TSHR: variants seen among roughly 807,000 people sequenced by gnomAD.
TSHR encodes thyroid stimulating hormone receptor.
Under a neutral mutation model 64.1 loss-of-function variants are expected in TSHR, and 51 were observed. That is an observed-to-expected ratio of 0.80 (90% CI 0.64 to 1.01). TSHR has a LOEUF of 1.01. Among genes scored for constraint, TSHR ranks in the 50% least tolerant of loss-of-function variants. The pLI is 0.00. For missense variants in TSHR, 877 were observed against 942.8 expected (o/e 0.93, Z 0.91); for synonymous variants, 361 against 361.9 (o/e 1.00, Z 0.03).
chr14:81,049,500 G>A (rs1004846183), intron 1 of TSHR: 5 of 152,174 alleles, frequency 3.3e-5, no homozygotes, highest in Admixed American at 3.3e-4. Context: ...AAATAACAAT[G>A]TTTGAAAACC....
rs140789876 is a variant in TSHR, at chr14:81,145,550, G to A, written c.*1197G>A. On this transcript the variant is annotated 3_prime_UTR_variant, in exon 10 of 10. Coordinates refer to ENST00000298171, the MANE Select transcript of TSHR (RefSeq NM_000369.5). ...TTCGTGTTTATATAAAAGAGTAAAC[G>A]ATGGTTGCAAATTTTGGCTATTTAG... 8 of 232,954 alleles carry A rather than the reference G, an allele frequency of 3.4e-5. No homozygotes were observed. Among genetic ancestry groups the A allele is most frequent in the South Asian group, 1.8e-4 (1 of 5,512 alleles). 14.4% of individuals were successfully genotyped at this position (232,954 alleles called of 1,614,324 possible). A position where few individuals can be genotyped will look rare whatever the true frequency, so the allele number is the denominator to read the frequency against.
chr14:81,029,122 C>A (rs922908916), intron 1 of TSHR, among the ~76,000 whole-genome samples: 16 of 151,848 alleles, frequency 1.1e-4, no homozygotes, highest in African/African-American at 3.9e-4. Flanking sequence ...ATTCTGTAAC[C>A]TTTAAAAGAA....
chr14:81,143,670 G>T lies in TSHR; in HGVS notation c.1612G>T (p.Ala538Ser), dbSNP rs151264748. 31 of 1,614,150 alleles carry T rather than the reference G, an allele frequency of 1.9e-5. No homozygotes were observed. The African/African-American group carries it at 3.6e-4, about 19-fold the overall frequency. Residue 538 changes from alanine to serine, a missense_variant, in exon 10 of 10, where the codon GCA becomes TCA. Coordinates refer to ENST00000298171, the MANE Select transcript of TSHR (RefSeq NM_000369.5). ...RLDRKIRLRH[A>S]CAIMVGGWVC... is the part of the protein sequence containing the mutation. ...GGACCGGAAGATCCGCCTCAGGCAC[G>T]CATGTGCCATCATGGTTGGGGGCTG...
At chr14:81,140,033 C>T (rs191093428) in intron 9 of TSHR, among the ~76,000 whole-genome samples, 166 bp downstream of exon 9, 3 of 152,240 alleles carry the variant, frequency 2.0e-5, no homozygotes, top group African/African-American at 7.2e-5. Flanking sequence ...CCTGCGGACC[C>T]AAAGTGGGTG....
chr14:80,956,139 A>C (rs1349128841), intron 1 of TSHR, among the ~76,000 whole-genome samples: 1 of 152,264 alleles, frequency 6.6e-6, no homozygotes, highest in East Asian at 1.9e-4. Context: ...GCTATTCAGC[A>C]CTTTGCCTAA....
intron 8 of TSHR, among the ~76,000 whole-genome samples, chr14:81,133,620 CT>C (rs1891337942): frequency 6.6e-6 from 1 of 152,204 alleles, no homozygotes; most frequent in East Asian, 1.9e-4. Context: ...CATTCTGGCA[CT>C]TTAGGGTCTA....
At chr14:80,967,491 G>A (rs924038226) in intron 1 of TSHR, among the ~76,000 whole-genome samples, 2 of 151,898 alleles carry the variant, frequency 1.3e-5, no homozygotes, top group African/African-American at 4.8e-5. Context: ...CACCATGTTG[G>A]TCAGGCTGAT....
chr14:81,103,763 C>T lies in TSHR; in HGVS notation c.615-4612C>T, dbSNP rs1449896764. On this transcript the variant is annotated intron_variant, in intron 7 of 9. Coordinates refer to ENST00000298171, the MANE Select transcript of TSHR (RefSeq NM_000369.5). The surrounding 1 kb of genome is among the most constrained non-coding windows in gnomAD (Gnocchi z 4.1). ...TTGTTTGGAATTTCTTTTCCATCCT[C>T]TTTCCACGCAATCTGCGTGGGGATA... 2.0e-6 allele frequency: 2 copies of T among 985,360 alleles called. No individual in the cohort carries two copies. Among genetic ancestry groups the T allele is most frequent in the African/African-American group, 3.5e-5 (2 of 57,252 alleles). The allele number at this position is 985,360 out of a possible 1,614,324, so 61.0% of individuals were successfully genotyped here. A position where few individuals can be genotyped will look rare whatever the true frequency, so the allele number is the denominator to read the frequency against.
chr14:81,061,522 C>T (rs934692603), intron 1 of TSHR, among the ~76,000 whole-genome samples: 3 of 152,052 alleles, frequency 2.0e-5, no homozygotes, highest in Admixed American at 6.6e-5. Context: ...AGGCCATTAT[C>T]CTCCGCAAAC....
Position 81,143,734 on chromosome 14 carries a change from G to A in TSHR, c.1676G>A (p.Gly559Glu), listed in dbSNP as rs979415795. The change falls in exon 10 of 10, where the codon GGA becomes GAA. Residue 559 changes from glycine (G) to glutamate (E), a missense_variant. Coordinates refer to ENST00000298171, the MANE Select transcript of TSHR (RefSeq NM_000369.5). ...CTTCTCGCCCTGCTTCCTTTGGTGG[G>A]AATAAGTAGCTATGCCAAAGTCAGT... ...CFLLALLPLV[G>E]ISSYAKVSIC... 1 of 1,614,124 alleles carries A rather than the reference G, an allele frequency of 6.2e-7. No homozygotes were observed. The highest frequency in any genetic ancestry group is 8.5e-7 in the Non-Finnish European group (1 of 1,180,030).
chr14:81,096,566 G>C, intron 6 of TSHR, 73 bp from the exon 7 acceptor site: 18 of 1,462,450 alleles, frequency 1.2e-5, no homozygotes, highest in Non-Finnish European at 1.7e-5. Flanking sequence ...AAGAAATATA[G>C]TCCAACTCTC....
At chr14:81,128,580 C>T (rs1891109790) in intron 8 of TSHR, among the ~76,000 whole-genome samples, 1 of 152,152 alleles carries the variant, frequency 6.6e-6, no homozygotes, top group Admixed American at 6.6e-5. Context: ...CCTTCAAAGA[C>T]CTGTGCTGTT....
intron 2 of TSHR, among the ~76,000 whole-genome samples, chr14:81,065,341 G>T (rs1886536150): frequency 6.6e-6 from 1 of 152,190 alleles, no homozygotes; most frequent in African/African-American, 2.4e-5. Context: ...AGGCTTATTG[G>T]TGGGGAATTC....
At chr14:81,049,701 C>T (rs1295988592) in intron 1 of TSHR, 1 of 150,504 alleles carries the variant, frequency 6.6e-6, no homozygotes, top group Non-Finnish European at 1.5e-5. Context: ...TTGTAATCCC[C>T]ACGTGTCAAG....
intron 1 of TSHR, among the ~76,000 whole-genome samples, chr14:81,033,620 T>TTAA (rs1884470502): frequency 7.6e-6 from 1 of 131,224 alleles, no homozygotes; most frequent in African/African-American, 2.8e-5. Flanking sequence ...GGTCTTTTTC[T>TTAA]AAAAAAAAAA....
At chr14:80,983,585 T>C (rs746673495) in intron 1 of TSHR, 80 of 1,091,840 alleles carry the variant, frequency 7.3e-5, no homozygotes, top group Non-Finnish European at 5.8e-5. Context: ...ACTTGAGTTA[T>C]AATACACTCA....
chr14:80,983,623 T>C (rs1253059825), intron 1 of TSHR: 1 of 900,094 alleles, frequency 1.1e-6, no homozygotes, highest in Non-Finnish European at 1.7e-6. Context: ...GTTAAAGGGA[T>C]TATTGAAGCA....
At chr14:81,028,106 T>C (rs1279406295) in intron 1 of TSHR, among the ~76,000 whole-genome samples, 2 of 152,152 alleles carry the variant, frequency 1.3e-5, no homozygotes, top group African/African-American at 2.4e-5. Context: ...TTACGATACA[T>C]AAAGTTATAT....
intron 1 of TSHR, among the ~76,000 whole-genome samples, chr14:81,021,090 C>T (rs114428651): frequency 1.6e-4 from 24 of 152,068 alleles, no homozygotes; most frequent in Middle Eastern, 3.4e-3. Flanking sequence ...TTATATATTA[C>T]CATGTAATAA....
Sources: allele counts gnomAD v4.1 joint callset (sites outside exome capture counted in the v4.1 genomes callset), GRCh38; gene constraint gnomAD v4.1.1; non-coding constraint Gnocchi (gnomAD v3.1); transcripts MANE v1.5; gene names NCBI Gene and HGNC (gene_info 2026-07-23, HGNC 2026-07-21).